Variants in TENM2 observed in about 807,000 individuals in gnomAD.
TENM2 encodes teneurin-2.
A neutral mutation model predicts 245.2 loss-of-function variants in TENM2; 52 were observed. The ratio of observed to expected loss-of-function variants is 0.21; its 90% confidence interval spans 0.17 to 0.27. The LOEUF is 0.27. Among genes scored for constraint, TENM2 ranks in the 10% least tolerant of loss-of-function variants. TENM2 has a pLI of 1.00. For missense variants in TENM2, 3,046 were observed against 3,666.8 expected (o/e 0.83, Z 4.37); for synonymous variants, 1,363 against 1,438.9 (o/e 0.95, Z 1.19).
intron 2 of TENM2, among the ~76,000 whole-genome samples, chr5:167,801,112 ATATATAT>A (rs1561795703): frequency 0.032 from 1,645 of 50,710 alleles, 23 homozygotes; most frequent in Middle Eastern, 0.062. Context: ...AAAAAAAAAT[ATATATAT>A]ATATATATAT....
intron 1 of TENM2, among the ~76,000 whole-genome samples, chr5:167,312,074 CTTAA>C (rs750567389): frequency 1.2e-4 from 18 of 152,234 alleles, no homozygotes; most frequent in Non-Finnish European, 2.4e-4. Context: ...TAATCACAGG[CTTAA>C]TTGTTTTCCC....
At chr5:167,871,564 G>T (rs1378841779) in intron 2 of TENM2, among the ~76,000 whole-genome samples, 1 of 152,158 alleles carries the variant, frequency 6.6e-6, no homozygotes. Flanking sequence ...TTTACATGGG[G>T]ATCTTGAAAA....
chr5:167,350,084 G>C (rs968150828), intron 1 of TENM2, among the ~76,000 whole-genome samples: 1 of 152,124 alleles, frequency 6.6e-6, no homozygotes, highest in Non-Finnish European at 1.5e-5. Flanking sequence ...AACACGTGAT[G>C]CTCCAGCAAA....
intron 2 of TENM2, among the ~76,000 whole-genome samples, chr5:167,478,530 C>T (rs1387738695): frequency 6.6e-6 from 1 of 152,136 alleles, no homozygotes; most frequent in African/African-American, 2.4e-5. Context: ...AATGGGTTTC[C>T]TATCACCATC....
At chr5:167,669,847 G>A (rs1178405286) in intron 2 of TENM2, among the ~76,000 whole-genome samples, 2 of 145,534 alleles carry the variant, frequency 1.4e-5, no homozygotes, top group Non-Finnish European at 3.0e-5. Flanking sequence ...AAAATCTATT[G>A]CTGCCACTTT....
At chr5:167,322,598 TC>T (rs1305901933) in intron 1 of TENM2, among the ~76,000 whole-genome samples, 1 of 151,944 alleles carries the variant, frequency 6.6e-6, no homozygotes, top group Non-Finnish European at 1.5e-5. Flanking sequence ...ACCTTTTCCC[TC>T]CCCCTTTTTT....
rs372673839 is a variant in TENM2 at position 168,049,313 on chromosome 5, T to A, written c.1309+1764T>A. Among the ~76,000 whole-genome samples, 7 of 152,346 alleles carry A rather than the reference T, an allele frequency of 4.6e-5. No homozygotes were observed. In the East Asian group the frequency reaches 5.8e-4, roughly 13 times the overall value. On this transcript the variant is annotated intron_variant, in intron 6 of 28. Coordinates refer to ENST00000518659, the Ensembl canonical transcript of TENM2. Reference sequence around the variant, plus strand: ...TGGGGTCTCCGTCACGTTTTATCCATAAATGTCCTTTAATCTACAAGTCAG... The same window carrying A: ...TGGGGTCTCCGTCACGTTTTATCCAAAAATGTCCTTTAATCTACAAGTCAG...
At chr5:167,745,072 C>T (rs1027747695) in intron 2 of TENM2, among the ~76,000 whole-genome samples, 4 of 152,136 alleles carry the variant, frequency 2.6e-5, no homozygotes, top group African/African-American at 9.7e-5. Flanking sequence ...TATAGATGCT[C>T]ATCAGAACAG....
At chr5:167,267,926 G>A in the TENM2 span, among the ~76,000 whole-genome samples, 72 of 149,032 alleles carry the variant, frequency 4.8e-4, no homozygotes, top group African/African-American at 1.7e-3. Context: ...GCAACAAAGA[G>A]TCTTTTTAAA....
At chr5:168,127,632 T>A (rs1037590379) in intron 12 of TENM2, among the ~76,000 whole-genome samples, 6 of 152,322 alleles carry the variant, frequency 3.9e-5, no homozygotes, top group Non-Finnish European at 5.9e-5. Context: ...TGGTTTAGGG[T>A]AGGACTATAC....
intron 13 of TENM2, chr5:168,165,896 C>T (rs1758254282): frequency 6.6e-6 from 1 of 151,718 alleles, no homozygotes; most frequent in Non-Finnish European, 1.5e-5. Context: ...CACCAATTCT[C>T]TCTCACCTGG....
At chr5:167,348,391 A>AG (rs1758607962) in intron 1 of TENM2, among the ~76,000 whole-genome samples, 1 of 152,188 alleles carries the variant, frequency 6.6e-6, no homozygotes, top group Admixed American at 6.5e-5. Context: ...CCGACTGAGT[A>AG]GAATGGCTGC....
intron 2 of TENM2, among the ~76,000 whole-genome samples, chr5:167,713,455 T>C (rs1759042975): frequency 6.6e-6 from 1 of 151,880 alleles, no homozygotes; most frequent in Admixed American, 6.6e-5. Flanking sequence ...ACTGATCTCA[T>C]ACATCAAACA....
the TENM2 span, among the ~76,000 whole-genome samples, chr5:167,174,383 G>C: frequency 6.6e-6 from 1 of 151,994 alleles, no homozygotes; most frequent in African/African-American, 2.4e-5. Flanking sequence ...TTGTTTTGGG[G>C]CTCTCTCTAG....
At chr5:168,158,825 G>GTATATA (rs1373189808) in intron 12 of TENM2, among the ~76,000 whole-genome samples, 14 of 84,014 alleles carry the variant, frequency 1.7e-4, no homozygotes, top group African/African-American at 5.6e-4. Context: ...GTGTGTGTGT[G>GTATATA]TGTGTATATA....
intron 2 of TENM2, among the ~76,000 whole-genome samples, chr5:167,837,520 T>C (rs1769110408): frequency 6.6e-6 from 1 of 152,216 alleles, no homozygotes; most frequent in Admixed American, 6.5e-5. Flanking sequence ...CATTCATTCA[T>C]TTCTAAAGGT....
intron 2 of TENM2, among the ~76,000 whole-genome samples, chr5:167,489,039 G>A (rs1768264693): frequency 6.6e-6 from 1 of 152,078 alleles, no homozygotes; most frequent in Admixed American, 6.5e-5. Flanking sequence ...CACGTCCACT[G>A]CTCTAACTCT....
chr5:167,280,323 A>T (rs1581652998), upstream of TENM2, among the ~76,000 whole-genome samples: 1 of 151,970 alleles, frequency 6.6e-6, no homozygotes, highest in Non-Finnish European at 1.5e-5. Context: ...AAAAGTTCTG[A>T]CTCTCCTAAA....
At chr5:167,831,173 G>C (rs139944737) in intron 2 of TENM2, among the ~76,000 whole-genome samples, 2 of 151,876 alleles carry the variant, frequency 1.3e-5, no homozygotes, top group East Asian at 3.9e-4. Flanking sequence ...TATGACCTCT[G>C]ATTAGTAGGA....
Sources: gnomAD v4.1 joint callset for allele counts (sites outside exome capture counted in the v4.1 genomes callset) on GRCh38, gnomAD v4.1.1 for gene constraint, MANE v1.5 for transcripts, NCBI Gene and HGNC (gene_info 2026-07-23, HGNC 2026-07-21) for gene names.